Variants in ULK4 observed in about 807,000 individuals in gnomAD.
ULK4 encodes the protein unc-51 like kinase 4.
ULK4 carries 133 observed loss-of-function variants against 160.6 expected under a neutral mutation model. The ratio of observed to expected loss-of-function variants is 0.83; its 90% confidence interval spans 0.72 to 0.96. ULK4 has a LOEUF of 0.96. Ranked by LOEUF, ULK4 falls within the 40% of genes least tolerant of loss-of-function variation. ULK4 has a pLI of 0.00. For missense variants in ULK4, 1,580 were observed against 1,499.5 expected (o/e 1.05, Z -0.89); for synonymous variants, 534 against 539.8 (o/e 0.99, Z 0.15).
rs116468819 is a variant in ULK4 at position 41,509,964 on chromosome 3, A to C, written c.3227-46711T>G. Reference sequence around the variant, plus strand: ...CAACAAATAGCAAGATGAATAGAATAGTACCTTCACATCTCAGTACTAACG... The same window carrying C: ...CAACAAATAGCAAGATGAATAGAATCGTACCTTCACATCTCAGTACTAACG... On this transcript the variant is annotated intron_variant, in intron 32 of 36. Transcript: ENST00000301831. Among the ~76,000 whole-genome samples the C allele has an allele frequency of 5.3e-3, 806 of 152,354 alleles. 11 individuals carry two copies. The highest frequency in any genetic ancestry group is 0.019 in the African/African-American group (775 of 41,586).
chr3:41,876,578 G>A (rs911728508), intron 17 of ULK4, among the ~76,000 whole-genome samples: 4 of 152,140 alleles, frequency 2.6e-5, no homozygotes, highest in African/African-American at 9.7e-5. Flanking sequence ...ATATCCAACA[G>A]AGAGCTTGCG....
chr3:41,882,312 T>C (rs1697551942), intron 17 of ULK4: 2 of 702,166 alleles, frequency 2.8e-6, no homozygotes, highest in Non-Finnish European at 5.2e-6. Flanking sequence ...ATACATAAAA[T>C]GCCAGGTGGT....
At chr3:41,369,919 A>G (rs912020455) in intron 35 of ULK4, among the ~76,000 whole-genome samples, 1 of 152,088 alleles carries the variant, frequency 6.6e-6, no homozygotes, top group South Asian at 2.1e-4. Context: ...AAAAAAATCT[A>G]TTTTGCCACC....
In ULK4 at chr3:41,721,645, C is replaced by T. The variant is rs577058537; in HGVS notation, c.2322-3784G>A. 1.1e-4 allele frequency among the ~76,000 whole-genome samples: 17 copies of T among 151,780 alleles called. No individual in the cohort carries two copies. In the South Asian group the frequency reaches 3.1e-3, roughly 28 times the overall value. On this transcript the variant is annotated intron_variant, in intron 22 of 36. Transcript: ENST00000301831. ...CCTCCCAAAGTGCTGGGATTACAGG[C>T]GTGAGCCACCATGCCTGGCCAATGT...
At chr3:41,859,547 A>T in intron 17 of ULK4, 3 of 542,654 alleles carry the variant, frequency 5.5e-6, no homozygotes, top group Non-Finnish European at 1.1e-5. Context: ...ACGAAGCCCC[A>T]GAACATGCTC....
chr3:41,871,100 A>C (rs1345687894), intron 17 of ULK4, among the ~76,000 whole-genome samples: 1 of 152,172 alleles, frequency 6.6e-6, no homozygotes, highest in Non-Finnish European at 1.5e-5. Flanking sequence ...GTGGAACTGC[A>C]AGTCAATTAA....
chr3:41,317,339 T>G (rs2080165049), intron 35 of ULK4, among the ~76,000 whole-genome samples: 1 of 152,108 alleles, frequency 6.6e-6, no homozygotes, highest in South Asian at 2.1e-4. Context: ...CCTCCCAAAG[T>G]GCTGGGGTTA....
rs548544642 is a variant in ULK4, at chr3:41,645,456, T to C, written c.3071+18151A>G. Among the ~76,000 whole-genome samples, 7 of 151,614 alleles carry C rather than the reference T, an allele frequency of 4.6e-5. No homozygotes were observed. In the East Asian group the frequency reaches 1.2e-3, roughly 25 times the overall value. On this transcript the variant is annotated intron_variant, in intron 30 of 36. Coordinates refer to ENST00000301831, the MANE Select transcript of ULK4 (RefSeq NM_017886.4). ...TGCCTTTGTTTCGTTATGTACCCAG[T>C]AGTCATTCAGGAGCAGGTTGTTCAG...
intron 35 of ULK4, among the ~76,000 whole-genome samples, chr3:41,264,091 T>A (rs1010394697): frequency 6.6e-6 from 1 of 152,000 alleles, no homozygotes; most frequent in South Asian, 2.1e-4. Context: ...AAGGGTAGAA[T>A]GATGAGAAAG....
At chr3:41,623,155 G>C (rs919672007) in intron 30 of ULK4, among the ~76,000 whole-genome samples, 1 of 152,192 alleles carries the variant, frequency 6.6e-6, no homozygotes, top group Non-Finnish European at 1.5e-5. Context: ...GGTATGTGTA[G>C]TTTGTCTATT....
rs77015797 is a variant in ULK4, at chr3:41,674,485, C to T, written c.2978+7023G>A. Among the ~76,000 whole-genome samples the T allele has an allele frequency of 5.4e-3, 824 of 152,248 alleles. 25 individuals carry two copies. The East Asian group carries it at 0.087, about 16-fold the overall frequency. On this transcript the variant is annotated intron_variant, in intron 29 of 36. Transcript: ENST00000301831. ...TTTCTGAGTATATGTGGTATCTTTC[C>T]TCCCAGAAGAGAAGAAAATCTTTGC...
At chr3:41,756,907 A>G (rs1444593409) in intron 21 of ULK4, among the ~76,000 whole-genome samples, 1 of 152,250 alleles carries the variant, frequency 6.6e-6, no homozygotes. Flanking sequence ...GAATACAAAC[A>G]TATATACATA....
chr3:41,392,871 T>C (rs999535468), intron 35 of ULK4, among the ~76,000 whole-genome samples: 1 of 152,166 alleles, frequency 6.6e-6, no homozygotes, highest in African/African-American at 2.4e-5. Flanking sequence ...CTATGGAATC[T>C]GATTCTTCTG....
intron 32 of ULK4, among the ~76,000 whole-genome samples, chr3:41,512,749 A>C (rs1252174826): frequency 6.6e-6 from 1 of 152,026 alleles, no homozygotes; most frequent in African/African-American, 2.4e-5. Context: ...TACCACAATC[A>C]CTCTTCACAG....
intron 32 of ULK4, among the ~76,000 whole-genome samples, chr3:41,505,125 C>T (rs1427098295): frequency 1.3e-5 from 2 of 152,148 alleles, no homozygotes; most frequent in Non-Finnish European, 2.9e-5. Flanking sequence ...TATAAACAGA[C>T]ATTTTCAGAG....
At chr3:41,533,028 G>A (rs1035355339) in intron 32 of ULK4, among the ~76,000 whole-genome samples, 2 of 152,154 alleles carry the variant, frequency 1.3e-5, no homozygotes, top group African/African-American at 2.4e-5. Context: ...CACTCAGGCC[G>A]TCTTCAAATA....
At chr3:41,622,693 C>T (rs2033314393) in intron 30 of ULK4, among the ~76,000 whole-genome samples, 1 of 152,118 alleles carries the variant, frequency 6.6e-6, no homozygotes, top group African/African-American at 2.4e-5. Flanking sequence ...GTGTAGCAAA[C>T]CACCATGGTA....
At chr3:41,903,518 G>A (rs1415688273) in intron 12 of ULK4, among the ~76,000 whole-genome samples, 1 of 151,080 alleles carries the variant, frequency 6.6e-6, no homozygotes, top group Admixed American at 6.6e-5. Context: ...CCGGGAGGCA[G>A]AGGCGCAATG....
intron 22 of ULK4, among the ~76,000 whole-genome samples, chr3:41,745,187 G>A (rs1559523011): frequency 6.6e-6 from 1 of 150,720 alleles, no homozygotes. Context: ...CAAGCAGAAG[G>A]AAAATATAAA....
Sources: allele counts gnomAD v4.1 joint callset (sites outside exome capture counted in the v4.1 genomes callset), GRCh38; gene constraint gnomAD v4.1.1; transcripts MANE v1.5; gene names NCBI Gene and HGNC (gene_info 2026-07-23, HGNC 2026-07-21).